Variants in EDAR observed in about 807,000 individuals in gnomAD.
EDAR encodes ectodysplasin A receptor.
EDAR carries 38 observed loss-of-function variants against 51.3 expected under a neutral mutation model. That is an observed-to-expected ratio of 0.74 (90% CI 0.57 to 0.97). The LOEUF (loss-of-function observed/expected upper bound fraction) is 0.97. Ranked by LOEUF, EDAR falls within the 50% of genes least tolerant of loss-of-function variation. EDAR has a pLI of 0.00. For missense variants in EDAR, 528 were observed against 595.0 expected (o/e 0.89, Z 1.17); for synonymous variants, 227 against 242.1 (o/e 0.94, Z 0.58).
chr2:108,948,962 T>TA (rs1012019163), intron 1 of EDAR, among the ~76,000 whole-genome samples: 2 of 152,086 alleles, frequency 1.3e-5, no homozygotes, highest in Non-Finnish European at 2.9e-5. Context: ...CTAAAAAACT[T>TA]AAAAAAATTA....
At position 108,936,975 on chromosome 2, in the gene EDAR, C is replaced by A. The variant is rs939845348; in HGVS notation, c.-18-5943G>T. The stretch of plus-strand genomic sequence containing the variant: ...GGGTCCCACAAATTAAATAGCCGGT[C>A]CTGTTCCCAGCCTCTCTGGCCAGGC... On this transcript the variant is annotated intron_variant, in intron 1 of 11. Transcript: ENST00000258443. 2.6e-5 allele frequency among the ~76,000 whole-genome samples: 4 copies of A among 152,356 alleles called. No individual in the cohort carries two copies. The East Asian group carries it at 7.7e-4, about 29-fold the overall frequency.
chr2:108,917,036 G>A (rs1265421878), intron 5 of EDAR, among the ~76,000 whole-genome samples: 4 of 152,216 alleles, frequency 2.6e-5, no homozygotes, highest in African/African-American at 9.7e-5. Flanking sequence ...TCGGCAATAA[G>A]GAATGGAGCT....
chr2:108,972,973 T>A (rs1024775408), intron 1 of EDAR, among the ~76,000 whole-genome samples: 2 of 152,204 alleles, frequency 1.3e-5, no homozygotes, highest in African/African-American at 4.8e-5. Context: ...GTGTTTATTT[T>A]TTTATTTATT....
At chr2:108,985,965 T>C (rs1293307923) in intron 1 of EDAR, among the ~76,000 whole-genome samples, 1 of 152,204 alleles carries the variant, frequency 6.6e-6, no homozygotes. Context: ...CCTTAATACA[T>C]GACCTAATGA....
intron 5 of EDAR, among the ~76,000 whole-genome samples, chr2:108,913,336 A>C (rs1007641560): frequency 3.9e-5 from 6 of 152,122 alleles, no homozygotes; most frequent in Non-Finnish European, 8.8e-5. Flanking sequence ...AGCCTCACCA[A>C]CTCAATTTTC....
chr2:108,978,561 C>G lies in EDAR; in HGVS notation c.-19+10399G>C, dbSNP rs143962679. On this transcript the variant is annotated intron_variant, in intron 1 of 11. Coordinates refer to ENST00000258443, the MANE Select transcript of EDAR (RefSeq NM_022336.4). ...CTCCCAAGGAGGCTGAGGTTCAGAG[C>G]ACCGAGGAAAAGTTTTTTTTTCTTG... Among the ~76,000 whole-genome samples, 4 of 152,196 alleles carry G rather than the reference C, an allele frequency of 2.6e-5. No individual in the cohort carries two copies. The East Asian group carries it at 5.8e-4, about 22-fold the overall frequency.
At chr2:108,972,867 T>G (rs904439763) in intron 1 of EDAR, among the ~76,000 whole-genome samples, 5 of 152,256 alleles carry the variant, frequency 3.3e-5, no homozygotes, top group African/African-American at 1.2e-4. Context: ...TTTGCCTTCT[T>G]GAACTTTCTT....
intron 5 of EDAR, 49 bp from the exon 6 acceptor site, chr2:108,912,813 C>G (rs1470646874): frequency 2.1e-6 from 3 of 1,462,566 alleles, no homozygotes; most frequent in Non-Finnish European, 1.9e-6. Context: ...GCTCCACCTT[C>G]AAAGACGCTG....
chr2:108,984,511 T>C (rs1698465489), intron 1 of EDAR, among the ~76,000 whole-genome samples: 1 of 152,146 alleles, frequency 6.6e-6, no homozygotes, highest in South Asian at 2.1e-4. Flanking sequence ...TCCGGCAGCA[T>C]GGCCTTCCTG....
At chr2:108,956,522 AAACTACAC>A (rs1304995220) in intron 1 of EDAR, among the ~76,000 whole-genome samples, 1 of 152,186 alleles carries the variant, frequency 6.6e-6, no homozygotes, top group Non-Finnish European at 1.5e-5. Context: ...GGTAGCCAAG[AAACTACAC>A]ATGGCATTGA....
At chr2:108,897,757 G>A (rs1443715079) in intron 11 of EDAR, among the ~76,000 whole-genome samples, 1 of 152,150 alleles carries the variant, frequency 6.6e-6, no homozygotes, top group Non-Finnish European at 1.5e-5. Context: ...ACTCACCTAG[G>A]AGCATTTAAA....
chr2:108,955,909 G>C (rs1333740576), intron 1 of EDAR, among the ~76,000 whole-genome samples: 1 of 151,306 alleles, frequency 6.6e-6, no homozygotes, highest in Non-Finnish European at 1.5e-5. Context: ...GGCGCCTGTA[G>C]TCCCAGCTAC....
intron 1 of EDAR, among the ~76,000 whole-genome samples, chr2:108,953,852 AAGGGTCAAGTGAAGTTGAACCAG>A (rs1193296653): frequency 1.3e-5 from 2 of 152,204 alleles, no homozygotes; most frequent in African/African-American, 4.8e-5. Context: ...TTGTGTGCCC[AAGGGTCAAGTGAAGTTGAACCAG>A]ACAGGTCAGA....
At chr2:108,955,809 A>G (rs922737754) in intron 1 of EDAR, among the ~76,000 whole-genome samples, 12 of 152,166 alleles carry the variant, frequency 7.9e-5, no homozygotes, top group African/African-American at 2.4e-4. Flanking sequence ...GGCAGACCAC[A>G]AGGTCAGGAG....
At chr2:108,979,961 A>G (rs894021031) in intron 1 of EDAR, among the ~76,000 whole-genome samples, 5 of 150,534 alleles carry the variant, frequency 3.3e-5, no homozygotes, top group Non-Finnish European at 7.4e-5. Flanking sequence ...GAGGTGTGCA[A>G]GTGAGTCTCC....
chr2:108,941,700 A>G (rs1036907003), intron 1 of EDAR, among the ~76,000 whole-genome samples: 2 of 152,220 alleles, frequency 1.3e-5, no homozygotes, highest in African/African-American at 4.8e-5. Context: ...CCTGACTGCC[A>G]TTATAAATAA....
At chr2:108,951,011 G>T (rs561420977) in intron 1 of EDAR, among the ~76,000 whole-genome samples, 104 of 152,348 alleles carry the variant, frequency 6.8e-4, no homozygotes, top group African/African-American at 2.4e-3. Context: ...GCATCTGGGA[G>T]CACTGATGCT....
chr2:108,983,215 T>G (rs1395339810), intron 1 of EDAR, among the ~76,000 whole-genome samples: 1 of 152,212 alleles, frequency 6.6e-6, no homozygotes, highest in Admixed American at 6.5e-5. Flanking sequence ...CTCTGATTTA[T>G]CTTCTTCATT....
chr2:108,908,306 T>C (rs1236786926), intron 9 of EDAR, among the ~76,000 whole-genome samples: 6 of 152,090 alleles, frequency 3.9e-5, no homozygotes, highest in Admixed American at 3.9e-4. Context: ...TCCACGGGCC[T>C]CTCCTTCCCT....
Sources: gnomAD v4.1 joint callset for allele counts (sites outside exome capture counted in the v4.1 genomes callset) on GRCh38, gnomAD v4.1.1 for gene constraint, MANE v1.5 for transcripts, NCBI Gene and HGNC (gene_info 2026-07-23, HGNC 2026-07-21) for gene names.